PUS7L: variants seen among roughly 807,000 people sequenced by gnomAD.
The protein encoded by PUS7L is pseudouridylate synthase PUS7L.
In PUS7L, 49 loss-of-function variants were observed where a neutral mutation model predicts 51.1. That is an observed-to-expected ratio of 0.96 (90% CI 0.76 to 1.22). PUS7L has a LOEUF of 1.22. Ranked by LOEUF, PUS7L falls within the 50% of genes most tolerant of loss-of-function variation. PUS7L has a pLI of 0.00. For missense variants in PUS7L, 828 were observed against 820.6 expected (o/e 1.01, Z -0.11); for synonymous variants, 277 against 276.2 (o/e 1.00, Z -0.03).
In PUS7L at chr12:43,746,142, T is replaced by C; in HGVS notation, c.1167A>G (p.Gly389=). The C allele has an allele frequency of 1.3e-6, 2 of 1,505,436 alleles. No individual in the cohort carries two copies. Among genetic ancestry groups the C allele is most frequent in the Non-Finnish European group, 1.8e-6 (2 of 1,085,342 alleles). The allele number at this position is 1,505,436 out of a possible 1,614,324, so 93.3% of individuals were successfully genotyped here. A position where few individuals can be genotyped will look rare whatever the true frequency, so the allele number is the denominator to read the frequency against. ...DDSLRLGQLK[G]NHFDIVIRNL... The stretch of plus-strand genomic sequence containing the variant: ...TTCTAATGACAATATCAAAGTGATT[T>C]CCTTTGAGCTGACCAAGTCTCAGGG... The change falls in exon 4 of 9, where the codon GGA becomes GGG. Residue 389 remains glycine, a synonymous_variant. Transcript: ENST00000344862.
At position 43,756,733 on chromosome 12, in the gene PUS7L, T is replaced by A. The variant is rs1938717400; in HGVS notation, c.-16-1472A>T. Reference sequence around the variant, plus strand: ...CCAAAAACTGCATTAACCTTAAGCATCTGATTCTTATGACTCCCAATGTCC... The same window carrying A: ...CCAAAAACTGCATTAACCTTAAGCAACTGATTCTTATGACTCCCAATGTCC... On this transcript the variant is annotated intron_variant, in intron 1 of 8. Transcript: ENST00000344862. Among the ~76,000 whole-genome samples the A allele has an allele frequency of 3.3e-5, 5 of 152,328 alleles. No homozygotes were observed. In the South Asian group the frequency reaches 8.3e-4, roughly 25 times the overall value.
chr12:43,748,497 TTTC>T lies in PUS7L; in HGVS notation c.1020_1022del (p.Lys341del), dbSNP rs1338878649. 1 of 1,609,458 alleles carries T rather than the reference TTTC, an allele frequency of 6.2e-7. No homozygotes were observed. The highest frequency in any genetic ancestry group is 2.2e-5 in the East Asian group (1 of 44,806). On this transcript the variant is annotated inframe_deletion, in exon 3 of 9. Transcript: ENST00000344862. ...CAACCATTGCTTGATAGGTGATGGCTTTCTTGTCTTTAAGGCCTGCATAACTAA... is the reference window on the plus strand; with the variant it reads ...CAACCATTGCTTGATAGGTGATGGCTTTGTCTTTAAGGCCTGCATAACTAA...
chr12:43,752,085 AT>A (rs1409963409), intron 2 of PUS7L, among the ~76,000 whole-genome samples: 41 of 152,040 alleles, frequency 2.7e-4, no homozygotes, highest in Admixed American at 2.4e-3. Context: ...TTCTTTGTAG[AT>A]TCTGGATATT....
At position 43,719,694 on chromosome 12, in the gene PUS7L, T is replaced by G. The variant is rs1334886206; in HGVS notation, c.*10682A>C. On this transcript the variant is annotated 3_prime_UTR_variant, in exon 9 of 9. Coordinates refer to ENST00000344862, the MANE Select transcript of PUS7L (RefSeq NM_031292.5). ...ATTCACATAACATAATACTGTCAAATTATATTTTTAAATGAATTTTCCATT... is the reference window on the plus strand; with the variant it reads ...ATTCACATAACATAATACTGTCAAAGTATATTTTTAAATGAATTTTCCATT... 1 of 152,232 alleles carries G rather than the reference T, an allele frequency of 6.6e-6. No individual in the cohort carries two copies. Among genetic ancestry groups the G allele is most frequent in the Non-Finnish European group, 1.5e-5 (1 of 68,040 alleles). 9.4% of individuals were successfully genotyped at this position (152,232 alleles called of 1,614,324 possible).
At position 43,721,276 on chromosome 12, in the gene PUS7L, C is replaced by G. The variant is rs1006947550; in HGVS notation, c.*9100G>C. On this transcript the variant is annotated 3_prime_UTR_variant, in exon 9 of 9. Transcript: ENST00000344862. Reference sequence around the variant, plus strand: ...AGGAAGCTACTTAACTTCTTCAAGCCCTGGAATCCTCATTTGTTAAATGAG... The same window carrying G: ...AGGAAGCTACTTAACTTCTTCAAGCGCTGGAATCCTCATTTGTTAAATGAG... 2 of 152,112 alleles carry G rather than the reference C, an allele frequency of 1.3e-5. No individual in the cohort carries two copies. The highest frequency in any genetic ancestry group is 2.4e-5 in the African/African-American group (1 of 41,428). 9.4% of individuals were successfully genotyped at this position (152,112 alleles called of 1,614,324 possible). A position where few individuals can be genotyped will look rare whatever the true frequency, so the allele number is the denominator to read the frequency against.
At chr12:43,746,465 A>G (rs1354078933) in intron 3 of PUS7L, among the ~76,000 whole-genome samples, 2 of 152,204 alleles carry the variant, frequency 1.3e-5, no homozygotes, top group Admixed American at 6.5e-5. Flanking sequence ...TATATTACTA[A>G]TGTTATCACT....
intron 6 of PUS7L, 43 bp downstream of exon 6, chr12:43,738,261 GTGTATC>G: frequency 1.1e-6 from 1 of 911,370 alleles, no homozygotes. Flanking sequence ...CATTTATAGT[GTGTATC>G]TGTATCTGCA....
At chr12:43,752,589 A>G (rs10880566) in intron 2 of PUS7L, among the ~76,000 whole-genome samples, 35,112 of 152,188 alleles carry the variant, frequency 0.23, 6,451 homozygotes, top group African/African-American at 0.51. Context: ...GCTACAACAT[A>G]GATGAATCTC....
chr12:43,746,112 T>C lies in PUS7L; in HGVS notation c.1197A>G (p.Leu399=). 6.6e-7 allele frequency: 1 copy of C among 1,525,626 alleles called. No individual in the cohort carries two copies. Among genetic ancestry groups the C allele is most frequent in the Non-Finnish European group, 9.1e-7 (1 of 1,103,660 alleles). The allele number at this position is 1,525,626 out of a possible 1,614,324, so 94.5% of individuals were successfully genotyped here. A position where few individuals can be genotyped will look rare whatever the true frequency, so the allele number is the denominator to read the frequency against. The change falls in exon 4 of 9, where the codon TTA becomes TTG. Residue 399 remains leucine (L), a synonymous_variant. Transcript: ENST00000344862. ...TTGCAGAATCATTTATTTGTTTTTT[T>C]AAATTTCTAATGACAATATCAAAGT... The part of the protein sequence containing the change: ...GNHFDIVIRN[L]KKQINDSANL...
chr12:43,736,581 C>A lies in PUS7L; in HGVS notation c.1525G>T (p.Gly509Cys). The A allele has an allele frequency of 6.2e-7, 1 of 1,614,044 alleles. No individual in the cohort carries two copies. Among genetic ancestry groups the A allele is most frequent in the African/African-American group, 1.3e-5 (1 of 74,920 alleles). Residue 509 changes from glycine (G) to cysteine (C), a missense_variant, in exon 7 of 9, where the codon GGC becomes TGC. Coordinates refer to ENST00000344862, the MANE Select transcript of PUS7L (RefSeq NM_031292.5). ...TGGATACAACCTTCCTCGGTCATGC[C>A]AAAGCGGTGCAATGCCTCCAACAAT... The part of the protein sequence containing the change: ...RALLEALHRF[G>C]MTEEGCIQAW...
In PUS7L at chr12:43,730,653, A is replaced by G. The variant is rs765488669; in HGVS notation, c.1829T>C (p.Val610Ala). The change falls in exon 9 of 9, where the codon GTA becomes GCA. Residue 610 changes from valine to alanine, a missense_variant. Transcript: ENST00000344862. Reference protein sequence around the residue: ...GYNIQYPKNKVGQWYHDILSR... With the variant: ...GYNIQYPKNKAGQWYHDILSR... Reference sequence around the variant, plus strand: ...AAGTATGTCATGGTACCACTGCCCTACTTTGTTCTTCGGGTACTGAATATT... The same window carrying G: ...AAGTATGTCATGGTACCACTGCCCTGCTTTGTTCTTCGGGTACTGAATATT... The G allele has an allele frequency of 6.2e-7, 1 of 1,613,590 alleles. No homozygotes were observed. Among genetic ancestry groups the G allele is most frequent in the South Asian group, 1.1e-5 (1 of 91,050 alleles).
At position 43,730,210 on chromosome 12, in the gene PUS7L, T is replaced by C. The variant is rs1944517053; in HGVS notation, c.*166A>G. 1.2e-5 allele frequency: 7 copies of C among 605,740 alleles called. No homozygotes were observed. The highest frequency in any genetic ancestry group is 2.0e-5 in the Non-Finnish European group (7 of 346,576). The allele number at this position is 605,740 out of a possible 1,614,324, so 37.5% of individuals were successfully genotyped here. On this transcript the variant is annotated 3_prime_UTR_variant, in exon 9 of 9. Coordinates refer to ENST00000344862, the MANE Select transcript of PUS7L (RefSeq NM_031292.5). ...TTAAATTTGGACCCTGACACTTACA[T>C]ATCCTCTATAAAATTACAGTATCAA...
chr12:43,749,183 GCAC>G (rs1353500904), intron 2 of PUS7L, among the ~76,000 whole-genome samples: 1 of 152,114 alleles, frequency 6.6e-6, no homozygotes, highest in Non-Finnish European at 1.5e-5. Context: ...GTCTCCAAGT[GCAC>G]CACTTCCCTT....
intron 2 of PUS7L, among the ~76,000 whole-genome samples, chr12:43,750,007 T>G (rs776560914): frequency 1.3e-5 from 2 of 152,162 alleles, no homozygotes; most frequent in African/African-American, 2.4e-5. Flanking sequence ...CAATATACCC[T>G]TGTAACAAAC....
rs1217532100 is a variant in PUS7L, at chr12:43,754,416, G to A, written c.830C>T (p.Thr277Ile). 1 of 1,613,504 alleles carries A rather than the reference G, an allele frequency of 6.2e-7. No individual in the cohort carries two copies. The highest frequency in any genetic ancestry group is 1.7e-5 in the Admixed American group (1 of 59,930). The change falls in exon 2 of 9, where the codon ACA becomes ATA. Residue 277 changes from threonine to isoleucine, a missense_variant. Coordinates refer to ENST00000344862, the MANE Select transcript of PUS7L (RefSeq NM_031292.5). ...CSAGNPNVVV[T>I]VRFREKAHKR... is the part of the protein sequence containing the mutation. ...GTGTGCTTTTTCCCGAAATCTTACT[G>A]TTACCACCACATTCGGATTACCAGC...
chr12:43,721,342 C>A lies in PUS7L; in HGVS notation c.*9034G>T, dbSNP rs971555008. The A allele has an allele frequency of 1.2e-4, 19 of 152,100 alleles. No individual in the cohort carries two copies. The highest frequency in any genetic ancestry group is 5.2e-4 in the Admixed American group (8 of 15,264). The allele number at this position is 152,100 out of a possible 1,614,324, so 9.4% of individuals were successfully genotyped here. A position where few individuals can be genotyped will look rare whatever the true frequency, so the allele number is the denominator to read the frequency against. On this transcript the variant is annotated 3_prime_UTR_variant, in exon 9 of 9. Coordinates refer to ENST00000344862, the MANE Select transcript of PUS7L (RefSeq NM_031292.5). ...TGACAGCTTGTTCTAAATTTTAAAT[C>A]AAATTCTACAATGCATTTAATATTT...
At chr12:43,735,833 A>G (rs12301506) in intron 7 of PUS7L, among the ~76,000 whole-genome samples, 57,603 of 151,934 alleles carry the variant, frequency 0.38, 15,402 homozygotes, top group African/African-American at 0.77. Context: ...CTGGAGCGCC[A>G]TGGCACGATC....
chr12:43,739,163 G>C (rs1483280535), intron 5 of PUS7L: 1 of 152,130 alleles, frequency 6.6e-6, no homozygotes, highest in African/African-American at 2.4e-5. Context: ...AGAAACTAGT[G>C]AACTCCAAAA....
At position 43,721,060 on chromosome 12, in the gene PUS7L, C is replaced by T. The variant is rs2137638784; in HGVS notation, c.*9316G>A. 6.6e-6 allele frequency: 1 copy of T among 152,174 alleles called. No individual in the cohort carries two copies. Among genetic ancestry groups the T allele is most frequent in the African/African-American group, 2.4e-5 (1 of 41,532 alleles). The allele number at this position is 152,174 out of a possible 1,614,324, so 9.4% of individuals were successfully genotyped here. ...ATTACAACACTTAAAGTGAATTTTC[C>T]CCAACTTTCCTTAATGTCATAAAGT... On this transcript the variant is annotated 3_prime_UTR_variant, in exon 9 of 9. Coordinates refer to ENST00000344862, the MANE Select transcript of PUS7L (RefSeq NM_031292.5).
Sources: gnomAD v4.1 joint callset for allele counts (sites outside exome capture counted in the v4.1 genomes callset) on GRCh38, gnomAD v4.1.1 for gene constraint, MANE v1.5 for transcripts, NCBI Gene and HGNC (gene_info 2026-07-23, HGNC 2026-07-21) for gene names.